The following FBN2 variants were observed in gnomAD, a reference collection of about 807,000 sequenced individuals.
FBN2 encodes fibrillin-2.
In FBN2, 105 loss-of-function variants were observed where a neutral mutation model predicts 355.6. That is an observed-to-expected ratio of 0.30 (90% CI 0.25 to 0.35). The LOEUF is 0.35. Among genes scored for constraint, FBN2 ranks in the 10% least tolerant of loss-of-function variants. The probability of loss-of-function intolerance (pLI) is 1.00; values close to 1 mark genes in which losing one functional copy is unlikely to be tolerated. For synonymous variants in FBN2, 1,350 were observed against 1,301.2 expected, an observed-to-expected ratio of 1.04 and a Z score of -0.81; for missense variants, 3,280 against 3,758.7, an observed-to-expected ratio of 0.87 and a Z score of 3.33.
At chr5:128,467,230 C>A (rs534229141) in intron 5 of FBN2, among the ~76,000 whole-genome samples, 1 of 152,280 alleles carries the variant, frequency 6.6e-6, no homozygotes, top group Non-Finnish European at 1.5e-5. Context: ...TTGTCCTCTG[C>A]AAATGACCTT....
intron 51 of FBN2, 46 bp from the exon 52 acceptor site, chr5:128,289,298 G>A: frequency 6.2e-7 from 1 of 1,607,278 alleles, no homozygotes; most frequent in Non-Finnish European, 8.5e-7. Flanking sequence ...AAAAAGATAT[G>A]CCGGCCAGGC....
At chr5:128,469,186 A>G (rs1754789778) in intron 5 of FBN2, among the ~76,000 whole-genome samples, 4 of 152,198 alleles carry the variant, frequency 2.6e-5, no homozygotes, top group Admixed American at 2.6e-4. Context: ...GTTAATTTAC[A>G]GTTTGTTGGG....
At chr5:128,446,741 T>A in intron 6 of FBN2, 135 bp from the exon 7 acceptor site, 1 of 771,930 alleles carries the variant, frequency 1.3e-6, no homozygotes, top group Non-Finnish European at 2.1e-6. Flanking sequence ...GTTAGAGAAG[T>A]AAAACACCTT....
At chr5:128,440,942 T>A (rs976893446) in intron 7 of FBN2, among the ~76,000 whole-genome samples, 1 of 152,108 alleles carries the variant, frequency 6.6e-6, no homozygotes, top group African/African-American at 2.4e-5. Flanking sequence ...CTATTATGAG[T>A]GCAGTGCTTA....
At chr5:128,333,473 T>C (rs1247685606) in intron 31 of FBN2, among the ~76,000 whole-genome samples, 1 of 152,136 alleles carries the variant, frequency 6.6e-6, no homozygotes, top group Non-Finnish European at 1.5e-5. Flanking sequence ...AATCTAACTT[T>C]TTAAAAAAAG....
intron 12 of FBN2, 134 bp downstream of exon 12, chr5:128,378,637 G>C (rs1752150792): frequency 2.1e-5 from 19 of 918,850 alleles, no homozygotes; most frequent in Non-Finnish European, 3.2e-5. Flanking sequence ...GAATCTCTGA[G>C]GGTATTACAA....
At chr5:128,290,984 G>T in intron 49 of FBN2, 100 bp from the exon 50 acceptor site, 3 of 1,110,616 alleles carry the variant, frequency 2.7e-6, no homozygotes, top group South Asian at 2.6e-5. Flanking sequence ...TAGATCAGCA[G>T]TTAAGGCAGG....
Position 128,385,139 on chromosome 5 carries a change from T to G in FBN2, c.1604-6249A>C, listed in dbSNP as rs563151617. On this transcript the variant is annotated intron_variant, in intron 11 of 64. Coordinates refer to ENST00000262464, the MANE Select transcript of FBN2 (RefSeq NM_001999.4). The stretch of plus-strand genomic sequence containing the variant: ...AATTGCATGTCACAGGGGTTTGTTG[T>G]AAAGATTATTTCATCACCCATGTAA... Among the ~76,000 whole-genome samples, 17 of 152,212 alleles carry G rather than the reference T, an allele frequency of 1.1e-4. 1 individual carries two copies. The South Asian group carries it at 3.3e-3, about 30-fold the overall frequency.
chr5:128,465,477 T>A (rs1304604512), intron 5 of FBN2, among the ~76,000 whole-genome samples: 1 of 152,154 alleles, frequency 6.6e-6, no homozygotes, highest in African/African-American at 2.4e-5. Flanking sequence ...TTTAGAAAAT[T>A]AAAACAAATC....
intron 7 of FBN2, among the ~76,000 whole-genome samples, chr5:128,435,112 G>C (rs331079): frequency 0.098 from 14,893 of 152,048 alleles, 1,026 homozygotes; most frequent in Admixed American, 0.24. Flanking sequence ...ATCCATCAAA[G>C]TGCAATTTCC....
chr5:128,378,220 C>T (rs1752137662), intron 12 of FBN2, among the ~76,000 whole-genome samples: 1 of 152,028 alleles, frequency 6.6e-6, no homozygotes, highest in Non-Finnish European at 1.5e-5. Flanking sequence ...AAAGTAACTA[C>T]AGAATTTCTA....
intron 5 of FBN2, among the ~76,000 whole-genome samples, chr5:128,470,529 G>A (rs1365992641): frequency 6.6e-6 from 1 of 152,140 alleles, no homozygotes; most frequent in Non-Finnish European, 1.5e-5. Context: ...GGTTCATCCA[G>A]GGTTTTGCTT....
intron 62 of FBN2, among the ~76,000 whole-genome samples, chr5:128,268,602 C>T (rs149509108): frequency 8.5e-5 from 13 of 152,228 alleles, no homozygotes; most frequent in East Asian, 1.9e-4. Context: ...ATATCCCTGA[C>T]GAACATCGAT....
intron 5 of FBN2, among the ~76,000 whole-genome samples, chr5:128,485,165 A>G (rs558184713): frequency 6.6e-6 from 1 of 152,152 alleles, no homozygotes; most frequent in South Asian, 2.1e-4. Context: ...CTGGGACTAC[A>G]GGTGCAAGAC....
In FBN2 at chr5:128,273,981, C is replaced by T. The variant is rs1416480719; in HGVS notation, c.7712-13G>A. ...CATTCGTTGTTGTCTGGCAAAGCATCAAGAAGCAGAGCGTCAAACTTTCCA... is the reference window on the plus strand; with the variant it reads ...CATTCGTTGTTGTCTGGCAAAGCATTAAGAAGCAGAGCGTCAAACTTTCCA... On this transcript the variant is annotated splice_polypyrimidine_tract_variant and intron_variant, in intron 60 of 64. Transcript: ENST00000262464. The T allele has an allele frequency of 2.5e-6, 4 of 1,613,802 alleles. No individual in the cohort carries two copies. Among genetic ancestry groups the T allele is most frequent in the Non-Finnish European group, 3.4e-6 (4 of 1,179,840 alleles).
At chr5:128,269,454 AC>A (rs1230196592) in intron 62 of FBN2, among the ~76,000 whole-genome samples, 1 of 150,010 alleles carries the variant, frequency 6.7e-6, no homozygotes, top group Non-Finnish European at 1.5e-5. Flanking sequence ...GTGAGACTCC[AC>A]CCCAAAAAAA....
chr5:128,454,664 C>G (rs1425343230), intron 6 of FBN2, among the ~76,000 whole-genome samples: 30 of 152,186 alleles, frequency 2.0e-4, no homozygotes, highest in Non-Finnish European at 4.4e-5. Flanking sequence ...CACATGCAGT[C>G]AGACTAAAGA....
chr5:128,416,535 G>A (rs1161816082), intron 7 of FBN2, among the ~76,000 whole-genome samples: 3 of 152,104 alleles, frequency 2.0e-5, no homozygotes, highest in African/African-American at 7.2e-5. Context: ...GTAGTTTTAT[G>A]GTTTCGGGTC....
At chr5:128,349,733 G>T (rs1355241824) in intron 22 of FBN2, among the ~76,000 whole-genome samples, 1 of 152,206 alleles carries the variant, frequency 6.6e-6, no homozygotes, top group Non-Finnish European at 1.5e-5. Flanking sequence ...GGCTAGCGAT[G>T]TCTTCATGAA....
Sources: gnomAD v4.1 joint callset for allele counts (sites outside exome capture counted in the v4.1 genomes callset) on GRCh38, gnomAD v4.1.1 for gene constraint, MANE v1.5 for transcripts, NCBI Gene and HGNC (gene_info 2026-07-23, HGNC 2026-07-21) for gene names.